Variants in TENM2 observed in about 807,000 individuals in gnomAD.
TENM2 encodes the protein teneurin transmembrane protein 2.
A neutral mutation model predicts 245.2 loss-of-function variants in TENM2; 52 were observed. The observed-to-expected ratio is 0.21, with a 90% CI of 0.17 to 0.27. The LOEUF (loss-of-function observed/expected upper bound fraction) is 0.27, where lower values mean the gene tolerates loss of function less well. TENM2 is among the 10% of genes least tolerant of loss of function. The pLI is 1.00. For missense variants in TENM2, 3,046 were observed against 3,666.8 expected (o/e 0.83, Z 4.37); for synonymous variants, 1,363 against 1,438.9 (o/e 0.95, Z 1.19).
intron 2 of TENM2, chr5:167,755,211 C>T: frequency 6.3e-7 from 1 of 1,583,384 alleles, no homozygotes; most frequent in Non-Finnish European, 8.6e-7. Context: ...GATGGATGTG[C>T]ATGCAGATGG....
chr5:167,640,210 C>T (rs73803917), intron 2 of TENM2, among the ~76,000 whole-genome samples: 4 of 152,164 alleles, frequency 2.6e-5, no homozygotes, highest in Admixed American at 2.0e-4. Context: ...GGACAAGTCA[C>T]GTAACCTCCC....
chr5:167,350,918 A>G (rs190677624), intron 1 of TENM2, among the ~76,000 whole-genome samples: 2,316 of 67,920 alleles, frequency 0.034, 353 homozygotes, highest in African/African-American at 0.096. Context: ...TATATGGGAT[A>G]TATACATATG....
At chr5:167,880,353 T>G (rs542693656) in intron 3 of TENM2, among the ~76,000 whole-genome samples, 4 of 152,230 alleles carry the variant, frequency 2.6e-5, no homozygotes, top group Middle Eastern at 3.4e-3. Flanking sequence ...AAAAAAAATT[T>G]TTTTCAGCTA....
At chr5:167,263,443 T>C in the TENM2 span, among the ~76,000 whole-genome samples, 2 of 152,182 alleles carry the variant, frequency 1.3e-5, no homozygotes, top group Admixed American at 6.5e-5. Flanking sequence ...GTGAAAACAT[T>C]AGCTGAGGAA....
At chr5:167,498,835 C>T (rs189600980) in intron 2 of TENM2, among the ~76,000 whole-genome samples, 8 of 151,956 alleles carry the variant, frequency 5.3e-5, no homozygotes, top group Non-Finnish European at 1.2e-4. Flanking sequence ...GAGGATGATG[C>T]GTGTGGGAGC....
At position 168,262,516 on chromosome 5, in the gene TENM2, C is replaced by G. The variant is rs902026073; in HGVS notation, c.8031C>G (p.Leu2677=). The G allele has an allele frequency of 1.9e-6, 3 of 1,555,986 alleles. No homozygotes were observed. The African/African-American group carries it at 4.1e-5, about 21-fold the overall frequency. The change falls in exon 29 of 29, where the codon CTC becomes CTG. Residue 2677 remains leucine, a synonymous_variant. Transcript: ENST00000518659. ...AGTTCCAGTACTCCACGCTGCTGCTCAGCATCCGCTATGGCCTCACCCCCG... is the reference window on the plus strand; with the variant it reads ...AGTTCCAGTACTCCACGCTGCTGCTGAGCATCCGCTATGGCCTCACCCCCG...
intron 2 of TENM2, among the ~76,000 whole-genome samples, chr5:167,724,098 C>A (rs1332868257): frequency 6.6e-6 from 1 of 152,134 alleles, no homozygotes; most frequent in East Asian, 1.9e-4. Context: ...GAGATTGTTT[C>A]TTTTGCTTTT....
chr5:167,876,592 T>C (rs1050652102), intron 3 of TENM2, among the ~76,000 whole-genome samples: 1 of 151,496 alleles, frequency 6.6e-6, no homozygotes. Context: ...CCCTGGTTTG[T>C]TTTTTGTTTT....
chr5:167,552,230 AT>A (rs1407086674), intron 2 of TENM2, among the ~76,000 whole-genome samples: 1 of 152,238 alleles, frequency 6.6e-6, no homozygotes, highest in Non-Finnish European at 1.5e-5. Flanking sequence ...TCAGAACTCC[AT>A]AAAATCCTAA....
intron 2 of TENM2, among the ~76,000 whole-genome samples, chr5:167,442,904 T>C (rs995677450): frequency 4.6e-5 from 7 of 152,204 alleles, no homozygotes; most frequent in African/African-American, 1.7e-4. Context: ...GGGTCAGTTA[T>C]GAAAACACAG....
At chr5:167,859,194 C>T (rs1240122863) in intron 2 of TENM2, among the ~76,000 whole-genome samples, 29 of 70,460 alleles carry the variant, frequency 4.1e-4, no homozygotes, top group South Asian at 8.0e-4. Flanking sequence ...CGTCTCTGCC[C>T]GGCCGCCCCG....
At chr5:168,186,160 C>A (rs920692518) in intron 13 of TENM2, 7 of 151,996 alleles carry the variant, frequency 4.6e-5, no homozygotes, top group African/African-American at 1.7e-4. Flanking sequence ...GCTTCAAACC[C>A]AAATCCATCT....
At chr5:167,075,858 C>G in the TENM2 span, among the ~76,000 whole-genome samples, 14 of 152,184 alleles carry the variant, frequency 9.2e-5, no homozygotes, top group Non-Finnish European at 1.5e-4. Flanking sequence ...CAAAAGGGCC[C>G]TACAAGGCTT....
At chr5:167,050,083 A>C in the TENM2 span, among the ~76,000 whole-genome samples, 1 of 152,156 alleles carries the variant, frequency 6.6e-6, no homozygotes, top group African/African-American at 2.4e-5. Context: ...TAAAACCACC[A>C]ACCTGGCTAG....
intron 2 of TENM2, among the ~76,000 whole-genome samples, chr5:167,861,067 A>G (rs1771755659): frequency 6.6e-6 from 1 of 150,864 alleles, no homozygotes; most frequent in Non-Finnish European, 1.5e-5. Flanking sequence ...AAAAAAAAAA[A>G]AGAAAACAAC....
the TENM2 span, among the ~76,000 whole-genome samples, chr5:167,242,131 C>A: frequency 6.7e-6 from 1 of 149,816 alleles, no homozygotes; most frequent in African/African-American, 2.5e-5. Context: ...CTCACTGCAA[C>A]CTCTGCCTCC....
intron 2 of TENM2, among the ~76,000 whole-genome samples, chr5:167,719,877 T>A (rs868300411): frequency 2.6e-5 from 4 of 151,980 alleles, no homozygotes; most frequent in Middle Eastern, 3.4e-3. Flanking sequence ...CAACAAATAA[T>A]TACCTGGCCC....
chr5:167,416,542 G>C (rs1038309142), intron 2 of TENM2, among the ~76,000 whole-genome samples: 1 of 152,098 alleles, frequency 6.6e-6, no homozygotes, highest in African/African-American at 2.4e-5. Flanking sequence ...CCTCTAAAAG[G>C]CTTATGATGA....
At chr5:168,212,178 G>A (rs1762844071) in intron 20 of TENM2, among the ~76,000 whole-genome samples, 1 of 139,620 alleles carries the variant, frequency 7.2e-6, no homozygotes, top group Non-Finnish European at 1.5e-5. Flanking sequence ...TGGATATATG[G>A]TCATCTTTAA....
Sources: gnomAD v4.1 joint callset for allele counts (sites outside exome capture counted in the v4.1 genomes callset) on GRCh38, gnomAD v4.1.1 for gene constraint, MANE v1.5 for transcripts, NCBI Gene and HGNC (gene_info 2026-07-23, HGNC 2026-07-21) for gene names.